Variants in MAP4K3 observed in about 807,000 individuals in gnomAD.
The protein encoded by MAP4K3 is MAPK/ERK kinase kinase kinase 3.
A neutral mutation model predicts 143.5 loss-of-function variants in MAP4K3; 94 were observed. That is an observed-to-expected ratio of 0.65 (90% CI 0.55 to 0.78). The LOEUF (loss-of-function observed/expected upper bound fraction) is 0.78. Ranked by LOEUF, MAP4K3 falls within the 30% of genes least tolerant of loss-of-function variation. The probability of loss-of-function intolerance (pLI) is 0.00; values close to 1 mark genes in which losing one functional copy is unlikely to be tolerated. For missense variants in MAP4K3, 1,077 were observed against 1,068.1 expected (o/e 1.01, Z -0.12); for synonymous variants, 416 against 347.2 (o/e 1.20, Z -2.20).
chr2:39,342,458 C>A (rs1665171404), intron 4 of MAP4K3, among the ~76,000 whole-genome samples: 1 of 152,066 alleles, frequency 6.6e-6, no homozygotes, highest in African/African-American at 2.4e-5. Context: ...ACCGAGTTTA[C>A]CTATCTTTTA....
Position 39,402,611 on chromosome 2 carries a change from G to A in MAP4K3, c.97-24488C>T, listed in dbSNP as rs527244415. 1.9e-4 allele frequency among the ~76,000 whole-genome samples: 29 copies of A among 152,138 alleles called. No individual in the cohort carries two copies. In the South Asian group the frequency reaches 5.2e-3, roughly 27 times the overall value. On this transcript the variant is annotated intron_variant, in intron 1 of 33. Transcript: ENST00000263881. ...AACTAAAGTAAAGCAAATGGCCAAT[G>A]AACCTCAAGTAAGCAGAAGAAAGAA...
intron 1 of MAP4K3, among the ~76,000 whole-genome samples, chr2:39,431,933 T>C (rs1665301341): frequency 6.6e-6 from 1 of 152,140 alleles, no homozygotes; most frequent in South Asian, 2.1e-4. Flanking sequence ...CTCAAATCAC[T>C]ATGCTGTGCT....
chr2:39,422,406 C>T (rs1667572521), intron 1 of MAP4K3, among the ~76,000 whole-genome samples: 1 of 152,120 alleles, frequency 6.6e-6, no homozygotes, highest in Non-Finnish European at 1.5e-5. Context: ...AGAGGAAAGA[C>T]CATGTATAGA....
intron 18 of MAP4K3, among the ~76,000 whole-genome samples, chr2:39,290,963 C>T (rs1282355575): frequency 3.0e-4 from 45 of 152,020 alleles, no homozygotes. Context: ...CCTGTAGTCC[C>T]AGCAGGAGAA....
chr2:39,307,211 A>C (rs557750277), intron 15 of MAP4K3, among the ~76,000 whole-genome samples: 2 of 152,316 alleles, frequency 1.3e-5, no homozygotes, highest in Non-Finnish European at 1.5e-5. Context: ...TATGGGGGTA[A>C]CTTGGGGCTC....
intron 1 of MAP4K3, among the ~76,000 whole-genome samples, chr2:39,388,590 C>A (rs1666572218): frequency 6.6e-6 from 1 of 152,048 alleles, no homozygotes; most frequent in Non-Finnish European, 1.5e-5. Context: ...CCAGCAATGC[C>A]CTTGAAGAGT....
chr2:39,330,673 G>A (rs79957511), intron 8 of MAP4K3, among the ~76,000 whole-genome samples: 1 of 151,914 alleles, frequency 6.6e-6, no homozygotes, highest in African/African-American at 2.4e-5. Flanking sequence ...ACAACAACCC[G>A]ACAAAAATCA....
chr2:39,326,533 G>C (rs994535802), intron 8 of MAP4K3, among the ~76,000 whole-genome samples: 1 of 152,138 alleles, frequency 6.6e-6, no homozygotes, highest in South Asian at 2.1e-4. Context: ...CCTCAGACGA[G>C]ACTTTGGATT....
At chr2:39,272,211 C>T (rs1171510649) in intron 26 of MAP4K3, 72 bp downstream of exon 26, 9 of 1,197,522 alleles carry the variant, frequency 7.5e-6, no homozygotes, top group Non-Finnish European at 1.1e-5. Context: ...AGTGCTCTTT[C>T]ACTTTCTGTA....
intron 8 of MAP4K3, among the ~76,000 whole-genome samples, chr2:39,330,204 A>G (rs1175493438): frequency 2.0e-5 from 3 of 152,156 alleles, no homozygotes; most frequent in Admixed American, 1.3e-4. Flanking sequence ...AAACAATAAA[A>G]AAATATTTTT....
chr2:39,356,389 G>A (rs184370946), intron 2 of MAP4K3, 50 bp from the exon 3 acceptor site: 12 of 964,372 alleles, frequency 1.2e-5, no homozygotes, highest in Non-Finnish European at 1.8e-5. Context: ...GTTTCAAAAT[G>A]CTCATTTATT....
At chr2:39,399,770 A>G (rs942676300) in intron 1 of MAP4K3, among the ~76,000 whole-genome samples, 1 of 152,148 alleles carries the variant, frequency 6.6e-6, no homozygotes, top group African/African-American at 2.4e-5. Context: ...CTATGCCAAA[A>G]AGTTAAGGGC....
intron 3 of MAP4K3, among the ~76,000 whole-genome samples, chr2:39,347,072 T>G (rs1665313523): frequency 6.6e-6 from 1 of 152,084 alleles, no homozygotes; most frequent in Admixed American, 6.6e-5. Context: ...CACTAAGAAA[T>G]TATCTGCTCT....
At chr2:39,268,456 G>A (rs1680864575) in intron 26 of MAP4K3, among the ~76,000 whole-genome samples, 1 of 151,358 alleles carries the variant, frequency 6.6e-6, no homozygotes, top group African/African-American at 2.4e-5. Flanking sequence ...AAATAGCTGG[G>A]ACTACAGGTG....
chr2:39,381,210 A>T (rs1254756256), intron 1 of MAP4K3, among the ~76,000 whole-genome samples: 3 of 152,134 alleles, frequency 2.0e-5, no homozygotes, highest in African/African-American at 4.8e-5. Flanking sequence ...TCTACTTTTT[A>T]GCTGTTATGA....
rs185573461 is a variant in MAP4K3 at position 39,379,074 on chromosome 2, G to T, written c.97-951C>A. On this transcript the variant is annotated intron_variant, in intron 1 of 33. Transcript: ENST00000263881. ...ACATGCCATTCCCTGATCACAGAAA[G>T]ATCCATTCATGTGACCAGATTTATT... Among the ~76,000 whole-genome samples the T allele has an allele frequency of 3.3e-5, 5 of 152,096 alleles. No homozygotes were observed. In the East Asian group the frequency reaches 5.8e-4, roughly 18 times the overall value.
intron 22 of MAP4K3, among the ~76,000 whole-genome samples, chr2:39,280,580 G>C (rs900324737): frequency 4.0e-5 from 6 of 148,380 alleles, no homozygotes; most frequent in South Asian, 2.1e-4. Context: ...TTGGAAAAAA[G>C]AGAAAAAAAA....
At chr2:39,377,231 T>G (rs1219433567) in intron 2 of MAP4K3, among the ~76,000 whole-genome samples, 4 of 69,038 alleles carry the variant, frequency 5.8e-5, no homozygotes, top group Non-Finnish European at 1.5e-4. Flanking sequence ...GAAAAAGTTT[T>G]TCCACTCTTG....
At chr2:39,405,683 C>A (rs558445116) in intron 1 of MAP4K3, among the ~76,000 whole-genome samples, 1 of 152,098 alleles carries the variant, frequency 6.6e-6, no homozygotes, top group African/African-American at 2.4e-5. Context: ...GCTTGGGCAA[C>A]GTGTTGAAAT....
Sources: gnomAD v4.1 joint callset for allele counts (sites outside exome capture counted in the v4.1 genomes callset) on GRCh38, gnomAD v4.1.1 for gene constraint, MANE v1.5 for transcripts, NCBI Gene and HGNC (gene_info 2026-07-23, HGNC 2026-07-21) for gene names.